The following XDH variants were observed in gnomAD, a reference collection of about 807,000 sequenced individuals.
XDH encodes the protein xanthine dehydrogenase/oxidase.
In XDH, 138 loss-of-function variants were observed where a neutral mutation model predicts 156.1. The ratio of observed to expected loss-of-function variants is 0.88; its 90% CI spans 0.77 to 1.02. The LOEUF is 1.02. Ranked by LOEUF, XDH falls within the 50% of genes least tolerant of loss-of-function variation. The pLI, the probability that XDH is intolerant of heterozygous loss-of-function variation, is 0.00. For missense variants in XDH, 1,849 were observed against 1,684.9 expected (o/e 1.10, Z -1.71); for synonymous variants, 669 against 625.7 (o/e 1.07, Z -1.03).
At chr2:31,355,795 T>G (rs1685607761) in intron 24 of XDH, among the ~76,000 whole-genome samples, 1 of 152,178 alleles carries the variant, frequency 6.6e-6, no homozygotes, top group Non-Finnish European at 1.5e-5. Flanking sequence ...TTATATGATG[T>G]ATAAATTGTA....
At chr2:31,361,203 G>GTCC (rs758198907) in intron 24 of XDH, among the ~76,000 whole-genome samples, 7 of 152,186 alleles carry the variant, frequency 4.6e-5, no homozygotes, top group Non-Finnish European at 8.8e-5. Flanking sequence ...TCCACTCATC[G>GTCC]TAACAGCCCA....
chr2:31,400,560 A>G (rs1393985087), intron 4 of XDH, among the ~76,000 whole-genome samples: 1 of 152,068 alleles, frequency 6.6e-6, no homozygotes, highest in Non-Finnish European at 1.5e-5. Context: ...CACTCAGCCT[A>G]ACAGCATCCT....
rs778630779 is a variant in XDH at position 31,373,879 on chromosome 2, G to A, written c.1680C>T (p.Leu560=). Residue 560 remains leucine (L), a synonymous_variant, in exon 16 of 36, where the codon CTC becomes CTT. Coordinates refer to ENST00000379416, the MANE Select transcript of XDH (RefSeq NM_000379.4). ...ATACACTGACCGTACTCACTTGGAAGAGCTGGACATCGGCTGGGGGGTCTT... is the reference window on the plus strand; with the variant it reads ...ATACACTGACCGTACTCACTTGGAAAAGCTGGACATCGGCTGGGGGGTCTT... ...FQKDPPADVQ[L]FQEVPKGQSE... The A allele has an allele frequency of 1.2e-6, 2 of 1,613,824 alleles. No individual in the cohort carries two copies. The highest frequency in any genetic ancestry group is 3.3e-5 in the Admixed American group (2 of 60,006).
At chr2:31,376,693 TAGTAATAGCA>T (rs1299079196) in intron 14 of XDH, among the ~76,000 whole-genome samples, 5 of 149,850 alleles carry the variant, frequency 3.3e-5, no homozygotes, top group Non-Finnish European at 7.4e-5. Flanking sequence ...ACAGTAGTCA[TAGTAATAGCA>T]ATAATGAGTA....
chr2:31,348,474 G>T, intron 27 of XDH, 111 bp from the exon 28 acceptor site: 2 of 992,886 alleles, frequency 2.0e-6, no homozygotes, highest in Admixed American at 2.0e-5. Flanking sequence ...CATTTTGGAT[G>T]TAAACCTCAG....
At chr2:31,353,165 C>G (rs1474666416) in intron 24 of XDH, among the ~76,000 whole-genome samples, 1 of 152,066 alleles carries the variant, frequency 6.6e-6, no homozygotes, top group Non-Finnish European at 1.5e-5. Context: ...CATCCAAGCC[C>G]TCTAGTTATT....
chr2:31,399,845 T>G (rs1474923279), intron 4 of XDH, among the ~76,000 whole-genome samples: 1 of 152,238 alleles, frequency 6.6e-6, no homozygotes, highest in East Asian at 1.9e-4. Context: ...CTGAATCCAT[T>G]AAACTTCTCT....
In XDH at chr2:31,335,776, G is replaced by A. The variant is rs1572504139; in HGVS notation, c.*182C>T. 1 of 698,136 alleles carries A rather than the reference G, an allele frequency of 1.4e-6. No homozygotes were observed. The highest frequency in any genetic ancestry group is 2.5e-6 in the Non-Finnish European group (1 of 398,310). 43.2% of individuals were successfully genotyped at this position (698,136 alleles called of 1,614,324 possible). A position where few individuals can be genotyped will look rare whatever the true frequency, so the allele number is the denominator to read the frequency against. On this transcript the variant is annotated 3_prime_UTR_variant, in exon 36 of 36. Transcript: ENST00000379416. ...CAGTTTTGAATTTGCTTATCATTGT[G>A]TTTACAAATTACATTTTTGATCAAA... is the stretch of plus-strand genomic sequence containing the variant.
Position 31,366,074 on chromosome 2 carries a change from G to T in XDH, c.2358C>A (p.Asn786Lys), listed in dbSNP as rs575845178. The T allele has an allele frequency of 3.7e-6, 6 of 1,614,146 alleles. No homozygotes were observed. Among genetic ancestry groups the T allele is most frequent in the East Asian group, 2.2e-5 (1 of 44,868 alleles). ...TTCTCTTCACTCGAACCACAATCCG[G>T]TTTGCTGGAACCCCCAACATTTTTG... ...FVAKMLGVPA[N>K]RIVVRVKRMG... The change falls in exon 22 of 36, where the codon AAC becomes AAA. Residue 786 changes from asparagine to lysine, a missense_variant. Transcript: ENST00000379416.
intron 18 of XDH, among the ~76,000 whole-genome samples, chr2:31,369,797 G>T (rs767837945): frequency 1.3e-5 from 2 of 152,148 alleles, no homozygotes; most frequent in African/African-American, 4.8e-5. Context: ...CTCTTCAGAA[G>T]TACCCACTCA....
intron 35 of XDH, 103 bp downstream of exon 35, chr2:31,337,538 G>C: frequency 7.7e-6 from 12 of 1,568,316 alleles, no homozygotes; most frequent in Non-Finnish European, 1.1e-5. Flanking sequence ...TGCCCGGTTA[G>C]GAGAGAGCCC....
At chr2:31,356,745 A>G (rs1038943659) in intron 24 of XDH, among the ~76,000 whole-genome samples, 3 of 152,330 alleles carry the variant, frequency 2.0e-5, no homozygotes, top group African/African-American at 7.2e-5. Flanking sequence ...GCCACAGAAA[A>G]CTAATACACA....
At chr2:31,362,636 T>C (rs1322914484) in intron 24 of XDH, among the ~76,000 whole-genome samples, 1 of 152,214 alleles carries the variant, frequency 6.6e-6, no homozygotes, top group East Asian at 1.9e-4. Context: ...CATCTTGACA[T>C]AGGTTCTTGA....
chr2:31,409,409 A>G (rs1687282050), intron 1 of XDH, among the ~76,000 whole-genome samples: 1 of 152,072 alleles, frequency 6.6e-6, no homozygotes, highest in Admixed American at 6.6e-5. Context: ...CCCCATAAAT[A>G]TGTAGATCTA....
At chr2:31,354,413 T>C (rs926645290) in intron 24 of XDH, among the ~76,000 whole-genome samples, 1 of 152,114 alleles carries the variant, frequency 6.6e-6, no homozygotes, top group Non-Finnish European at 1.5e-5. Context: ...ACTTCCTGAA[T>C]AATAAAAGAT....
At chr2:31,407,972 T>A (rs1287404868) in intron 1 of XDH, among the ~76,000 whole-genome samples, 6 of 152,182 alleles carry the variant, frequency 3.9e-5, no homozygotes, top group African/African-American at 1.4e-4. Flanking sequence ...AAGAGCCTCT[T>A]AGCTTACCAC....
chr2:31,345,827 A>G (rs1685272538), intron 30 of XDH, among the ~76,000 whole-genome samples: 1 of 152,218 alleles, frequency 6.6e-6, no homozygotes, highest in Non-Finnish European at 1.5e-5. Flanking sequence ...GGTTGAAGAC[A>G]AAGCTCAGAT....
At chr2:31,377,537 G>A (rs1029055199) in intron 13 of XDH, among the ~76,000 whole-genome samples, 4 of 152,234 alleles carry the variant, frequency 2.6e-5, no homozygotes, top group Non-Finnish European at 4.4e-5. Context: ...AGCTGCAGGG[G>A]AAGAAGGGTG....
intron 6 of XDH, among the ~76,000 whole-genome samples, chr2:31,391,290 G>A (rs1179192876): frequency 6.6e-6 from 1 of 151,974 alleles, no homozygotes; most frequent in Non-Finnish European, 1.5e-5. Context: ...TATTTATGTT[G>A]GTCTATTTCT....
Sources: allele counts gnomAD v4.1 joint callset (sites outside exome capture counted in the v4.1 genomes callset), GRCh38; gene constraint gnomAD v4.1.1; transcripts MANE v1.5; gene names NCBI Gene and HGNC (gene_info 2026-07-23, HGNC 2026-07-21).